TJP1: variants seen among roughly 807,000 people sequenced by gnomAD.
TJP1 encodes the protein tight junction protein 1, also known as tight junction protein ZO-1.
Under a neutral mutation model 194.2 loss-of-function variants are expected in TJP1, and 43 were observed. The observed-to-expected ratio is 0.22, with a 90% confidence interval of 0.17 to 0.29. The LOEUF is 0.29. Among genes scored for constraint, TJP1 ranks in the 10% least tolerant of loss-of-function variants. TJP1 has a pLI of 1.00. For missense variants in TJP1, 1,971 were observed against 2,185.7 expected, an observed-to-expected ratio of 0.90 and a Z score of 1.96; for synonymous variants, 801 against 779.0, an observed-to-expected ratio of 1.03 and a Z score of -0.47.
intron 1 of TJP1, chr15:29,968,572 C>G (rs2152330501): frequency 3.5e-6 from 3 of 853,812 alleles, no homozygotes; most frequent in Admixed American, 6.3e-5. Flanking sequence ...GCCCCCCGCC[C>G]GACCGCCCCG....
chr15:29,872,740 C>T (rs140502579), intron 2 of TJP1, among the ~76,000 whole-genome samples: 9 of 152,294 alleles, frequency 5.9e-5, no homozygotes, highest in African/African-American at 1.4e-4. Flanking sequence ...CTTTAGTCCT[C>T]GTCATGGCCC....
At chr15:29,928,835 G>A (rs187580604) in intron 2 of TJP1, among the ~76,000 whole-genome samples, 162 of 152,070 alleles carry the variant, frequency 1.1e-3, no homozygotes, top group Non-Finnish European at 1.8e-3. Context: ...CCAGCTACTC[G>A]GGAGGCTGAG....
chr15:29,757,653 G>A (rs944070937), intron 8 of TJP1, among the ~76,000 whole-genome samples: 8 of 152,080 alleles, frequency 5.3e-5, no homozygotes, highest in African/African-American at 1.9e-4. Context: ...TAAATTTTCA[G>A]GAATTAAATT....
At chr15:29,800,183 T>C (rs2048692007) in intron 2 of TJP1, among the ~76,000 whole-genome samples, 1 of 152,222 alleles carries the variant, frequency 6.6e-6, no homozygotes, top group Non-Finnish European at 1.5e-5. Flanking sequence ...CTCTTACTAC[T>C]ACTCATCTCT....
At chr15:29,782,096 T>C (rs538409359) in intron 2 of TJP1, among the ~76,000 whole-genome samples, 2 of 152,312 alleles carry the variant, frequency 1.3e-5, no homozygotes, top group East Asian at 3.9e-4. Flanking sequence ...AAAAGCTCCT[T>C]AAGCTGATAA....
At chr15:29,755,196 A>C (rs1305707184) in intron 8 of TJP1, among the ~76,000 whole-genome samples, 1 of 152,182 alleles carries the variant, frequency 6.6e-6, no homozygotes, top group East Asian at 1.9e-4. Flanking sequence ...GCCTAGGAGC[A>C]ATAGGCTACA....
At chr15:29,850,839 T>C (rs1326389750) in intron 2 of TJP1, among the ~76,000 whole-genome samples, 3 of 148,594 alleles carry the variant, frequency 2.0e-5, no homozygotes, top group African/African-American at 7.5e-5. Context: ...AACAAATAAG[T>C]AATAAAATAA....
chr15:29,950,018 TCCACCTCCAC>T (rs2055620844), intron 2 of TJP1, among the ~76,000 whole-genome samples: 1 of 49,360 alleles, frequency 2.0e-5, no homozygotes, highest in Non-Finnish European at 4.1e-5. Flanking sequence ...AACCACCACC[TCCACCTCCAC>T]CTTCACCACC....
chr15:29,914,666 G>A (rs1485091716), intron 2 of TJP1, among the ~76,000 whole-genome samples: 1 of 152,092 alleles, frequency 6.6e-6, no homozygotes, highest in East Asian at 1.9e-4. Context: ...AGTCGAGAGG[G>A]CTGAGAAGAC....
intron 2 of TJP1, among the ~76,000 whole-genome samples, chr15:29,848,383 G>A (rs2051501112): frequency 6.6e-6 from 1 of 152,056 alleles, no homozygotes. Context: ...GCATTTTTGA[G>A]GCTATGGTGT....
chr15:29,760,989 A>T, intron 8 of TJP1, 150 bp downstream of exon 8: 1 of 1,040,788 alleles, frequency 9.6e-7, no homozygotes, highest in Non-Finnish European at 1.3e-6. Flanking sequence ...CGGTTATTTT[A>T]GATTTAAAAA....
chr15:29,770,561 A>G (rs1477913270), intron 4 of TJP1, among the ~76,000 whole-genome samples: 1 of 151,644 alleles, frequency 6.6e-6, no homozygotes, highest in Non-Finnish European at 1.5e-5. Context: ...TAAAAATACA[A>G]AAAAATTAGC....
Position 29,701,709 on chromosome 15 carries a change from G to T in TJP1, c.5213-20C>A. On this transcript the variant is annotated intron_variant, in intron 27 of 27. Coordinates refer to ENST00000614355, the MANE Select transcript of TJP1 (RefSeq NM_001330239.4). ...GATCACCTATGAGAGAAAAGAAGTT[G>T]ATGTCATTTACAGTTCAGTAAACTG... The T allele has an allele frequency of 6.3e-7, 1 of 1,586,006 alleles. No homozygotes were observed. The highest frequency in any genetic ancestry group is 8.7e-7 in the Non-Finnish European group (1 of 1,154,636).
chr15:29,773,111 A>G (rs1446288271), intron 3 of TJP1, 122 bp downstream of exon 3: 31 of 1,178,740 alleles, frequency 2.6e-5, no homozygotes, highest in Non-Finnish European at 4.6e-6. Flanking sequence ...AAATATATGA[A>G]GCATGGCACA....
chr15:29,939,650 T>C (rs947058533), intron 2 of TJP1, among the ~76,000 whole-genome samples: 3 of 152,188 alleles, frequency 2.0e-5, no homozygotes, highest in African/African-American at 7.2e-5. Context: ...TCCTCCAAAA[T>C]TCATTTGTTG....
Position 29,761,053 on chromosome 15 carries a change from C to A in TJP1, c.1010+86G>T, listed in dbSNP as rs141538952. On this transcript the variant is annotated intron_variant, in intron 8 of 27. Transcript: ENST00000614355. ...TCTTGAATAATCAAAAGAAATACAT[C>A]TTTTAATTTTATTTGTAAGCAATTT... 269 of 1,396,320 alleles carry A rather than the reference C, an allele frequency of 1.9e-4. 1 individual carries two copies. The East Asian group carries it at 6.0e-3, about 31-fold the overall frequency. The allele number at this position is 1,396,320 out of a possible 1,614,324, so 86.5% of individuals were successfully genotyped here.
At chr15:29,810,733 G>A (rs2049431763) in intron 1 of TJP1, among the ~76,000 whole-genome samples, 1 of 152,154 alleles carries the variant, frequency 6.6e-6, no homozygotes, top group South Asian at 2.1e-4. Flanking sequence ...TCTGGGCTCT[G>A]GGCAAAGTCC....
At chr15:29,800,567 A>T in intron 2 of TJP1, 79 bp downstream of exon 2, 1 of 1,433,586 alleles carries the variant, frequency 7.0e-7, no homozygotes. Context: ...GCTTCCTGAC[A>T]TCTGGCTTTC....
At chr15:29,836,062 C>T (rs2051018266) in intron 2 of TJP1, among the ~76,000 whole-genome samples, 1 of 152,128 alleles carries the variant, frequency 6.6e-6, no homozygotes, top group Admixed American at 6.6e-5. Context: ...ATACATTTAA[C>T]TTGTGGCACT....
Sources: allele counts gnomAD v4.1 joint callset (sites outside exome capture counted in the v4.1 genomes callset), GRCh38; gene constraint gnomAD v4.1.1; transcripts MANE v1.5; gene names NCBI Gene and HGNC (gene_info 2026-07-23, HGNC 2026-07-21).